TBL1XR1: variants seen among roughly 807,000 people sequenced by gnomAD.
TBL1XR1 encodes F-box-like/WD repeat-containing protein TBL1XR1.
In TBL1XR1, 5 loss-of-function variants were observed where a neutral mutation model predicts 66.9. That is an observed-to-expected ratio of 0.07 (90% CI 0.04 to 0.16). TBL1XR1 has a LOEUF of 0.16. Ranked by LOEUF, TBL1XR1 falls within the 10% of genes least tolerant of loss-of-function variation. The probability of loss-of-function intolerance (pLI) is 1.00; values close to 1 mark genes in which losing one functional copy is unlikely to be tolerated. For synonymous variants in TBL1XR1, 210 were observed against 206.0 expected (o/e 1.02, Z -0.17); for missense variants, 238 against 623.2 (o/e 0.38, Z 6.58).
At chr3:177,053,985 G>GA in intron 3 of TBL1XR1, 67 bp from the exon 4 acceptor site, 1 of 1,487,282 alleles carries the variant, frequency 6.7e-7, no homozygotes, top group East Asian at 2.3e-5. Context: ...GACACAGAAA[G>GA]AAAGATCACC....
chr3:177,064,472 A>G (rs1718906295), intron 3 of TBL1XR1, among the ~76,000 whole-genome samples: 1 of 152,226 alleles, frequency 6.6e-6, no homozygotes, highest in Non-Finnish European at 1.5e-5. Context: ...AATAATAACA[A>G]TTCAGATCAA....
intron 1 of TBL1XR1, among the ~76,000 whole-genome samples, chr3:177,143,795 CAGAATTAAAT>C (rs1729916603): frequency 6.6e-6 from 1 of 152,022 alleles, no homozygotes; most frequent in East Asian, 1.9e-4. Flanking sequence ...CAGGCTCTAA[CAGAATTAAAT>C]TATCAACTGT....
At chr3:177,068,933 C>T (rs1327717120) in intron 2 of TBL1XR1, among the ~76,000 whole-genome samples, 1 of 152,204 alleles carries the variant, frequency 6.6e-6, no homozygotes, top group Non-Finnish European at 1.5e-5. Flanking sequence ...ATCTTACAAA[C>T]ATAACTTAGT....
chr3:177,179,799 T>C (rs1262544451), intron 1 of TBL1XR1, among the ~76,000 whole-genome samples: 1 of 152,160 alleles, frequency 6.6e-6, no homozygotes, highest in Non-Finnish European at 1.5e-5. Flanking sequence ...CCAACCGATA[T>C]ATCTACTAGC....
At chr3:177,155,334 A>G (rs768562407) in intron 1 of TBL1XR1, among the ~76,000 whole-genome samples, 5 of 152,224 alleles carry the variant, frequency 3.3e-5, no homozygotes, top group Non-Finnish European at 7.3e-5. Context: ...TGTATTGTGA[A>G]TTATGAAAAA....
chr3:177,112,100 TATA>T (rs1164989635), intron 1 of TBL1XR1, among the ~76,000 whole-genome samples: 19 of 55,188 alleles, frequency 3.4e-4, no homozygotes, highest in African/African-American at 6.4e-4. Context: ...TATATATATA[TATA>T]TATATTTTTT....
At chr3:177,042,618 T>C (rs1356928759) in intron 10 of TBL1XR1, among the ~76,000 whole-genome samples, 7 of 152,170 alleles carry the variant, frequency 4.6e-5, no homozygotes, top group African/African-American at 1.7e-4. Context: ...AAATGAGTCT[T>C]GATAGTACAA....
At chr3:177,186,561 T>C (rs1200301982) in intron 1 of TBL1XR1, among the ~76,000 whole-genome samples, 1 of 152,152 alleles carries the variant, frequency 6.6e-6, no homozygotes, top group African/African-American at 2.4e-5. Context: ...AATTAGCCTG[T>C]TGAAATTAAA....
intron 1 of TBL1XR1, among the ~76,000 whole-genome samples, chr3:177,152,024 TC>T (rs1730951367): frequency 6.6e-6 from 1 of 152,128 alleles, no homozygotes; most frequent in Non-Finnish European, 1.5e-5. Flanking sequence ...GAAACTGTAC[TC>T]TTTTGTCCTA....
intron 7 of TBL1XR1, among the ~76,000 whole-genome samples, chr3:177,048,561 G>T (rs962099299): frequency 6.6e-6 from 1 of 152,118 alleles, no homozygotes; most frequent in Non-Finnish European, 1.5e-5. Flanking sequence ...AAGAAGAAGG[G>T]GAGCCATGTT....
intron 2 of TBL1XR1, among the ~76,000 whole-genome samples, chr3:177,084,105 A>G (rs910231801): frequency 2.6e-4 from 39 of 151,818 alleles, no homozygotes; most frequent in East Asian, 9.7e-4. Flanking sequence ...AAAAAAAAGA[A>G]AAAAGAAAAG....
intron 2 of TBL1XR1, among the ~76,000 whole-genome samples, chr3:177,096,380 A>C (rs1365746706): frequency 6.8e-6 from 1 of 146,974 alleles, no homozygotes; most frequent in Non-Finnish European, 1.5e-5. Context: ...ATGACATTAA[A>C]ATGATTTCAG....
chr3:177,060,830 G>A (rs1718428389), intron 3 of TBL1XR1, among the ~76,000 whole-genome samples: 1 of 152,116 alleles, frequency 6.6e-6, no homozygotes, highest in African/African-American at 2.4e-5. Context: ...AAGTTATTAG[G>A]GCAATGAAAT....
At chr3:177,169,504 A>G (rs1227163626) in intron 1 of TBL1XR1, among the ~76,000 whole-genome samples, 1 of 152,228 alleles carries the variant, frequency 6.6e-6, no homozygotes, top group Non-Finnish European at 1.5e-5. Flanking sequence ...AACTATTCAA[A>G]ATAATGCTAC....
intron 1 of TBL1XR1, among the ~76,000 whole-genome samples, chr3:177,117,517 A>G (rs890704926): frequency 3.3e-5 from 5 of 152,222 alleles, no homozygotes; most frequent in Admixed American, 3.3e-4. Flanking sequence ...AAACAGTCAT[A>G]GAAAATACCA....
intron 1 of TBL1XR1, among the ~76,000 whole-genome samples, chr3:177,177,875 TA>T (rs567307793): frequency 4.8e-4 from 70 of 146,034 alleles, no homozygotes; most frequent in African/African-American, 1.0e-3. Flanking sequence ...GAGGGACGTT[TA>T]AAAAAAAAAA....
intron 1 of TBL1XR1, among the ~76,000 whole-genome samples, chr3:177,121,738 CGAGG>C: frequency 6.6e-6 from 1 of 152,202 alleles, no homozygotes; most frequent in Admixed American, 6.6e-5. Context: ...ACAATCCCAT[CGAGG>C]CTGTTCCTTG....
intron 1 of TBL1XR1, among the ~76,000 whole-genome samples, chr3:177,127,249 T>A (rs1727747030): frequency 6.6e-6 from 1 of 152,214 alleles, no homozygotes; most frequent in Non-Finnish European, 1.5e-5. Context: ...AGTCATTTCT[T>A]TTATGGTATC....
At chr3:177,041,882 G>A (rs992660681) in intron 10 of TBL1XR1, among the ~76,000 whole-genome samples, 9 of 152,154 alleles carry the variant, frequency 5.9e-5, no homozygotes, top group Non-Finnish European at 8.8e-5. Context: ...TTCAGGCTGG[G>A]TGTCGAGCAT....
Sources: allele counts gnomAD v4.1 joint callset (sites outside exome capture counted in the v4.1 genomes callset), GRCh38; gene constraint gnomAD v4.1.1; transcripts MANE v1.5; gene names NCBI Gene and HGNC (gene_info 2026-07-23, HGNC 2026-07-21).